Variants in NCOA6 observed in about 807,000 individuals in gnomAD.
NCOA6 encodes NRC RAP250.
NCOA6 carries 49 observed loss-of-function variants against 171.4 expected under a neutral mutation model. The observed-to-expected ratio is 0.29, with a 90% CI of 0.23 to 0.36. The LOEUF (loss-of-function observed/expected upper bound fraction) is 0.36. NCOA6 is among the 10% of genes least tolerant of loss of function. The pLI, the probability that NCOA6 is intolerant of heterozygous loss-of-function variation, is 1.00. For missense variants in NCOA6, 2,248 were observed against 2,554.5 expected (o/e 0.88, Z 2.59); for synonymous variants, 910 against 927.5 (o/e 0.98, Z 0.34).
At chr20:34,716,167 C>G (rs1003395544) in intron 14 of NCOA6, among the ~76,000 whole-genome samples, 1 of 139,476 alleles carries the variant, frequency 7.2e-6, no homozygotes, top group Non-Finnish European at 1.5e-5. Context: ...TCCAGTAAGC[C>G]GATATCCCAC....
chr20:34,715,143 G>C lies in NCOA6; in HGVS notation c.*179C>G. 2 of 682,390 alleles carry C rather than the reference G, an allele frequency of 2.9e-6. No homozygotes were observed. The highest frequency in any genetic ancestry group is 4.9e-6 in the Non-Finnish European group (2 of 408,604). 42.3% of individuals were successfully genotyped at this position (682,390 alleles called of 1,614,324 possible). A position where few individuals can be genotyped will look rare whatever the true frequency, so the allele number is the denominator to read the frequency against. ...GAACTTCAACTCGCAACACCAAAAG[G>C]GCTCAACAGTCCTGCTTTCCCCATT... On this transcript the variant is annotated 3_prime_UTR_variant, in exon 15 of 15. Transcript: ENST00000359003.
At chr20:34,767,545 C>T (rs539231398) in intron 5 of NCOA6, among the ~76,000 whole-genome samples, 2 of 152,284 alleles carry the variant, frequency 1.3e-5, no homozygotes, top group South Asian at 4.1e-4. Context: ...ATCCACCTGC[C>T]TCGGCCTCCC....
At chr20:34,720,148 T>C (rs780067016) in intron 14 of NCOA6, among the ~76,000 whole-genome samples, 1 of 152,232 alleles carries the variant, frequency 6.6e-6, no homozygotes, top group Non-Finnish European at 1.5e-5. Flanking sequence ...TTTTTCCCAG[T>C]TGAAAATATA....
intron 1 of NCOA6, among the ~76,000 whole-genome samples, chr20:34,813,169 A>C (rs574496182): frequency 1.1e-3 from 172 of 151,720 alleles, no homozygotes; most frequent in South Asian, 2.9e-3. Context: ...CAGAAAAAAA[A>C]AAAACAAAAA....
intron 1 of NCOA6, among the ~76,000 whole-genome samples, chr20:34,796,297 A>C (rs1480471110): frequency 6.6e-6 from 1 of 151,906 alleles, no homozygotes; most frequent in Admixed American, 6.6e-5. Context: ...GGTGTGAGCC[A>C]CCGCACCCGA....
intron 3 of NCOA6, 43 bp downstream of exon 3, chr20:34,782,078 T>G: frequency 7.3e-7 from 1 of 1,376,296 alleles, no homozygotes; most frequent in Non-Finnish European, 1.0e-6. Context: ...GGCAAACATT[T>G]CAAAAACAGT....
At chr20:34,729,391 G>A (rs1168090329) in intron 13 of NCOA6, among the ~76,000 whole-genome samples, 2 of 152,068 alleles carry the variant, frequency 1.3e-5, no homozygotes, top group Non-Finnish European at 2.9e-5. Flanking sequence ...TTTCTTCTTT[G>A]TAATTCTCTG....
intron 14 of NCOA6, among the ~76,000 whole-genome samples, chr20:34,723,373 T>A (rs959055277): frequency 6.6e-6 from 1 of 152,186 alleles, no homozygotes; most frequent in African/African-American, 2.4e-5. Context: ...CAGAAGCGTG[T>A]TGTGAGAGTA....
At position 34,731,490 on chromosome 20, in the gene NCOA6, A is replaced by G. The variant is rs190574545; in HGVS notation, c.5999+1069T>C. ...TTTCTGAACTTTAGATTTCTCATCT[A>G]TAAGACAGAATTTACTTTCCTAATA... On this transcript the variant is annotated intron_variant, in intron 13 of 14. Transcript: ENST00000359003. Among the ~76,000 whole-genome samples the G allele has an allele frequency of 3.6e-3, 554 of 152,350 alleles. 1 individual carries two copies. The highest frequency in any genetic ancestry group is 6.1e-3 in the Non-Finnish European group (412 of 68,040).
chr20:34,815,272 G>T (rs930914602), intron 1 of NCOA6, among the ~76,000 whole-genome samples: 2 of 151,712 alleles, frequency 1.3e-5, no homozygotes, highest in Non-Finnish European at 2.9e-5. Context: ...GTTCACTCAG[G>T]AGACTGAGGT....
In NCOA6 at chr20:34,715,215, T is replaced by C. The variant is rs562444300; in HGVS notation, c.*107A>G. 2.4e-4 allele frequency: 355 copies of C among 1,473,128 alleles called. 3 individuals are homozygous for C. In the African/African-American group the frequency reaches 4.3e-3, roughly 18 times the overall value. 91.3% of individuals were successfully genotyped at this position (1,473,128 alleles called of 1,614,324 possible). ...AGGGACTAGGAAAAGGGCCACATTA[T>C]TAAAATTACTAACTGTACAGAAATT... On this transcript the variant is annotated 3_prime_UTR_variant, in exon 15 of 15. Transcript: ENST00000359003.
At chr20:34,774,843 CA>C (rs2077257970) in intron 4 of NCOA6, among the ~76,000 whole-genome samples, 1 of 152,124 alleles carries the variant, frequency 6.6e-6, no homozygotes, top group South Asian at 2.1e-4. Flanking sequence ...CATTGTATTC[CA>C]AATGCTAAAG....
At chr20:34,771,852 G>C (rs751187508) in intron 4 of NCOA6, among the ~76,000 whole-genome samples, 2 of 152,144 alleles carry the variant, frequency 1.3e-5, no homozygotes, top group African/African-American at 4.8e-5. Context: ...TCCAAGGTTA[G>C]GTAACTTTTA....
intron 2 of NCOA6, among the ~76,000 whole-genome samples, chr20:34,790,135 T>A (rs1373292212): frequency 1.3e-5 from 2 of 151,484 alleles, no homozygotes; most frequent in Admixed American, 1.3e-4. Flanking sequence ...AGCAACATTA[T>A]TCACAATAGC....
At chr20:34,751,395 A>AAAAAAAAAAAAAAAAAAAAAAAAC in intron 8 of NCOA6, among the ~76,000 whole-genome samples, 1 of 146,982 alleles carries the variant, frequency 6.8e-6, no homozygotes, top group East Asian at 2.0e-4. Context: ...AAAAAAAAAA[A>AAAAAAAAAAAAAAAAAAAAAAAAC]AGAATGTGAA....
intron 11 of NCOA6, among the ~76,000 whole-genome samples, chr20:34,739,452 T>C (rs2076062375): frequency 6.6e-6 from 1 of 152,238 alleles, no homozygotes; most frequent in Non-Finnish European, 1.5e-5. Flanking sequence ...TTGTTTCTAC[T>C]GTGTCCATTA....
At chr20:34,783,965 T>C (rs921748789) in intron 2 of NCOA6, among the ~76,000 whole-genome samples, 1 of 133,862 alleles carries the variant, frequency 7.5e-6, no homozygotes, top group Non-Finnish European at 1.6e-5. Flanking sequence ...CAGCCTTTAT[T>C]TATGGCACTT....
At chr20:34,786,208 T>C (rs1250707121) in intron 2 of NCOA6, among the ~76,000 whole-genome samples, 2 of 152,292 alleles carry the variant, frequency 1.3e-5, no homozygotes, top group Non-Finnish European at 2.9e-5. Flanking sequence ...TCATTTCTGA[T>C]TGTGCTTATT....
intron 14 of NCOA6, among the ~76,000 whole-genome samples, chr20:34,719,903 AG>A (rs1286850934): frequency 6.6e-6 from 1 of 152,200 alleles, no homozygotes; most frequent in Admixed American, 6.5e-5. Flanking sequence ...GCATATCTAC[AG>A]TAATACTTCT....
Sources: allele counts gnomAD v4.1 joint callset (sites outside exome capture counted in the v4.1 genomes callset), GRCh38; gene constraint gnomAD v4.1.1; transcripts MANE v1.5; gene names NCBI Gene and HGNC (gene_info 2026-07-23, HGNC 2026-07-21).